SULF1: variants seen among roughly 807,000 people sequenced by gnomAD.
SULF1 encodes the protein extracellular sulfatase Sulf-1.
Under a neutral mutation model 110.5 loss-of-function variants are expected in SULF1, and 46 were observed. That is an observed-to-expected ratio of 0.42 (90% CI 0.33 to 0.53). SULF1 has a LOEUF of 0.53. Ranked by LOEUF, SULF1 falls within the 20% of genes least tolerant of loss-of-function variation. The pLI is 0.12. For synonymous variants in SULF1, 371 were observed against 387.1 expected, an observed-to-expected ratio of 0.96 and a Z score of 0.49; for missense variants, 941 against 1,094.2, an observed-to-expected ratio of 0.86 and a Z score of 1.98.
intron 3 of SULF1, among the ~76,000 whole-genome samples, chr8:69,507,909 C>T (rs1406748686): frequency 6.6e-6 from 1 of 151,992 alleles, no homozygotes; most frequent in Admixed American, 6.6e-5. Flanking sequence ...CATAATCTGG[C>T]ATGTAGGGGA....
In SULF1 at chr8:69,513,110, A is replaced by C. The variant is rs563672649; in HGVS notation, c.-134+11142A>C. Among the ~76,000 whole-genome samples, 7 of 152,320 alleles carry C rather than the reference A, an allele frequency of 4.6e-5. No individual in the cohort carries two copies. In the East Asian group the frequency reaches 9.6e-4, roughly 21 times the overall value. On this transcript the variant is annotated intron_variant, in intron 3 of 22. Coordinates refer to ENST00000402687, the MANE Select transcript of SULF1 (RefSeq NM_001128205.2). The stretch of plus-strand genomic sequence containing the variant: ...TTCTTAGATTTAGCACAGTACTTGC[A>C]GGTAGTTAAGTACACAATAAATGTT...
At position 69,634,802 on chromosome 8, in the gene SULF1, T is replaced by TA. The variant is rs1210033207; in HGVS notation, c.2285-3691dup. 4.0e-5 allele frequency among the ~76,000 whole-genome samples: 6 copies of TA among 151,756 alleles called. No individual in the cohort carries two copies. In the East Asian group the frequency reaches 5.8e-4, roughly 15 times the overall value. ...GTTTTAAGTTGGAGAACATAATGTG[T>TA]AAAAAAAAATTTTTTTCTTTTTGAG... On this transcript the variant is annotated intron_variant, in intron 19 of 22. Transcript: ENST00000402687.
chr8:69,480,191 C>T (rs1349724360), intron 1 of SULF1, among the ~76,000 whole-genome samples: 1 of 152,132 alleles, frequency 6.6e-6, no homozygotes. Flanking sequence ...ACAATATTAA[C>T]CATTACGACT....
chr8:69,566,608 C>T (rs562144422), intron 5 of SULF1, among the ~76,000 whole-genome samples: 14 of 152,218 alleles, frequency 9.2e-5, no homozygotes, highest in Admixed American at 3.9e-4. Flanking sequence ...CCCAGCACTT[C>T]GGGAGGCTGA....
intron 5 of SULF1, 70 bp from the exon 6 acceptor site, chr8:69,575,900 G>A (rs1438490819): frequency 3.8e-6 from 6 of 1,562,008 alleles, no homozygotes; most frequent in Non-Finnish European, 3.5e-6. Flanking sequence ...CAGAGGCACT[G>A]AGGGGCACAA....
At chr8:69,512,031 G>A (rs906626579) in intron 3 of SULF1, among the ~76,000 whole-genome samples, 2 of 152,130 alleles carry the variant, frequency 1.3e-5, no homozygotes, top group Non-Finnish European at 1.5e-5. Context: ...ACGAAGAGAA[G>A]TTTCCTAAGT....
chr8:69,544,887 A>T (rs1020296786), intron 3 of SULF1, among the ~76,000 whole-genome samples: 1 of 152,130 alleles, frequency 6.6e-6, no homozygotes, highest in African/African-American at 2.4e-5. Flanking sequence ...CTTCTTTTGG[A>T]TATAAAATAT....
At chr8:69,543,350 A>G (rs915204994) in intron 3 of SULF1, among the ~76,000 whole-genome samples, 2 of 151,908 alleles carry the variant, frequency 1.3e-5, no homozygotes, top group Non-Finnish European at 2.9e-5. Context: ...TGCATTGGCT[A>G]TTTTCCCTAA....
chr8:69,480,147 C>T (rs1809457977), intron 1 of SULF1, among the ~76,000 whole-genome samples: 1 of 152,112 alleles, frequency 6.6e-6, no homozygotes, highest in South Asian at 2.1e-4. Flanking sequence ...TTTTAACATA[C>T]ACTTAAAGAA....
chr8:69,469,353 A>G (rs1808991684), intron 1 of SULF1: 1 of 152,202 alleles, frequency 6.6e-6, no homozygotes, highest in African/African-American at 2.4e-5. Flanking sequence ...GCGAAAAATA[A>G]TGGAGGTTGA....
At chr8:69,638,406 T>A (rs1811216199) in intron 19 of SULF1, 96 bp from the exon 20 acceptor site, 1 of 1,374,196 alleles carries the variant, frequency 7.3e-7, no homozygotes. Context: ...AATTGTGAAC[T>A]TTAAAGTGTA....
chr8:69,522,050 G>C (rs1812341761), intron 3 of SULF1, among the ~76,000 whole-genome samples: 1 of 150,384 alleles, frequency 6.6e-6, no homozygotes, highest in South Asian at 2.1e-4. Flanking sequence ...GATGGATCAT[G>C]GACGATTTTT....
rs529446773 is a variant in SULF1, at chr8:69,626,772, G to A, written c.1851-438G>A. 3.9e-3 allele frequency among the ~76,000 whole-genome samples: 589 copies of A among 152,358 alleles called. 3 individuals are homozygous for A. The highest frequency in any genetic ancestry group is 7.0e-3 in the Non-Finnish European group (474 of 68,026). The stretch of plus-strand genomic sequence containing the variant: ...GCCGGCCGGCCTCTGCGAGTGTGGG[G>A]CCAGCCAAGCCCACGCCCATCCGGA... On this transcript the variant is annotated intron_variant, in intron 15 of 22. Transcript: ENST00000402687.
intron 3 of SULF1, among the ~76,000 whole-genome samples, chr8:69,561,375 C>G (rs1016410570): frequency 6.6e-6 from 1 of 152,122 alleles, no homozygotes; most frequent in Non-Finnish European, 1.5e-5. Flanking sequence ...TAGGAAAAAA[C>G]CACTCTCTCT....
chr8:69,628,346 A>G, intron 18 of SULF1, 110 bp downstream of exon 18: 2 of 908,394 alleles, frequency 2.2e-6, no homozygotes, highest in Non-Finnish European at 3.6e-6. Context: ...CTTCAGAAGA[A>G]GTAGATCCAT....
chr8:69,478,194 G>C (rs998345866), intron 1 of SULF1, among the ~76,000 whole-genome samples: 7 of 152,144 alleles, frequency 4.6e-5, no homozygotes, highest in Admixed American at 4.6e-4. Flanking sequence ...TTGGAGGAAA[G>C]AGGAAGGACT....
chr8:69,594,235 G>C (rs1334097610), intron 8 of SULF1, among the ~76,000 whole-genome samples: 1 of 152,104 alleles, frequency 6.6e-6, no homozygotes, highest in Non-Finnish European at 1.5e-5. Context: ...ATTTTTAGTG[G>C]AAACGGGTTT....
In SULF1 at chr8:69,576,083, A is replaced by G. The variant is rs1350928046; in HGVS notation, c.286A>G (p.Thr96Ala). The change falls in exon 6 of 23, where the codon ACC becomes GCC. Residue 96 changes from threonine to alanine, a missense_variant. Coordinates refer to ENST00000402687, the MANE Select transcript of SULF1 (RefSeq NM_001128205.2). ...MCCPSRSSML[T>A]GKYVHNHNVY... ...CTGCCCGTCACGGTCCTCCATGCTC[A>G]CCGGGAAGTATGTGCACAATCACAA... 1.9e-6 allele frequency: 3 copies of G among 1,614,046 alleles called. No homozygotes were observed. In the African/African-American group the frequency reaches 4.0e-5, roughly 22 times the overall value.
chr8:69,469,077 A>G (rs1808978196), intron 1 of SULF1, among the ~76,000 whole-genome samples: 1 of 152,240 alleles, frequency 6.6e-6, no homozygotes, highest in Non-Finnish European at 1.5e-5. Context: ...TCCCCCTAAC[A>G]GGGTAATGTG....
Sources: gnomAD v4.1 joint callset for allele counts (sites outside exome capture counted in the v4.1 genomes callset) on GRCh38, gnomAD v4.1.1 for gene constraint, MANE v1.5 for transcripts, NCBI Gene and HGNC (gene_info 2026-07-23, HGNC 2026-07-21) for gene names.